RALGAPA2: variants seen among roughly 807,000 people sequenced by gnomAD.
RALGAPA2 encodes ral GTPase-activating protein subunit alpha-2.
Under a neutral mutation model 230.4 loss-of-function variants are expected in RALGAPA2, and 139 were observed. The observed-to-expected ratio is 0.60, with a 90% CI of 0.53 to 0.69. The LOEUF (loss-of-function observed/expected upper bound fraction) is 0.69, where lower values mean the gene tolerates loss of function less well. RALGAPA2 is among the 30% of genes least tolerant of loss of function. RALGAPA2 has a pLI of 0.00. For synonymous variants in RALGAPA2, 847 were observed against 837.8 expected (o/e 1.01, Z -0.19); for missense variants, 2,163 against 2,276.0 (o/e 0.95, Z 1.01).
At chr20:20,476,322 T>C (rs1437193043) in intron 36 of RALGAPA2, among the ~76,000 whole-genome samples, 1 of 152,090 alleles carries the variant, frequency 6.6e-6, no homozygotes, top group Middle Eastern at 3.2e-3. Flanking sequence ...TATAAAAATA[T>C]AATAATTAAG....
At chr20:20,541,279 C>T (rs898533301) in intron 24 of RALGAPA2, among the ~76,000 whole-genome samples, 1 of 152,048 alleles carries the variant, frequency 6.6e-6, no homozygotes, top group African/African-American at 2.4e-5. Context: ...CAGTGGATGA[C>T]TGAAACTGTG....
At chr20:20,520,665 T>C (rs2063010419) in intron 31 of RALGAPA2, among the ~76,000 whole-genome samples, 1 of 152,128 alleles carries the variant, frequency 6.6e-6, no homozygotes, top group African/African-American at 2.4e-5. Context: ...AAAATGAGCC[T>C]TTTTTGTGAG....
At chr20:20,400,737 A>T (rs766032055) in intron 38 of RALGAPA2, among the ~76,000 whole-genome samples, 4 of 152,214 alleles carry the variant, frequency 2.6e-5, no homozygotes, top group Non-Finnish European at 5.9e-5. Context: ...GGACCCGAAC[A>T]TTCACAGCAG....
chr20:20,579,362 C>A (rs552703885), intron 20 of RALGAPA2, among the ~76,000 whole-genome samples: 1 of 152,284 alleles, frequency 6.6e-6, no homozygotes. Context: ...ACATAGCAGA[C>A]AACAGGCGTC....
chr20:20,423,444 G>T (rs1172904489), intron 37 of RALGAPA2, among the ~76,000 whole-genome samples: 1 of 152,232 alleles, frequency 6.6e-6, no homozygotes, highest in Non-Finnish European at 1.5e-5. Context: ...GCGGGAGACA[G>T]CCATTTCCCA....
chr20:20,686,613 T>G (rs531200794), intron 1 of RALGAPA2, among the ~76,000 whole-genome samples: 1 of 152,122 alleles, frequency 6.6e-6, no homozygotes, highest in Non-Finnish European at 1.5e-5. Flanking sequence ...ATATGTAGAA[T>G]GCTTATAAGA....
chr20:20,411,565 T>C (rs752405577), intron 38 of RALGAPA2, among the ~76,000 whole-genome samples: 2 of 152,240 alleles, frequency 1.3e-5, no homozygotes, highest in Non-Finnish European at 2.9e-5. Context: ...GCTGTAATGA[T>C]GGACCCCGGG....
chr20:20,588,561 TGG>T (rs1284269928), intron 18 of RALGAPA2, among the ~76,000 whole-genome samples: 2 of 152,038 alleles, frequency 1.3e-5, no homozygotes, highest in African/African-American at 4.8e-5. Flanking sequence ...CTGAAGCTGA[TGG>T]TGGGTTTCTG....
At chr20:20,465,149 T>TCACACTCACACA (rs1556066771) in intron 37 of RALGAPA2, among the ~76,000 whole-genome samples, 1 of 109,210 alleles carries the variant, frequency 9.2e-6, no homozygotes, top group African/African-American at 3.5e-5. Flanking sequence ...CCGCAGGCCT[T>TCACACTCACACA]CACACACACA....
chr20:20,654,207 G>C, intron 3 of RALGAPA2, among the ~76,000 whole-genome samples: 1 of 151,170 alleles, frequency 6.6e-6, no homozygotes, highest in Non-Finnish European at 1.5e-5. Context: ...TTTTTTCTTT[G>C]AGACAAAGTC....
At chr20:20,472,055 G>A (rs1350787644) in intron 37 of RALGAPA2, 1 of 151,990 alleles carries the variant, frequency 6.6e-6, no homozygotes, top group Admixed American at 6.6e-5. Flanking sequence ...TTTATTAGGA[G>A]GTCACTTTTT....
chr20:20,666,656 T>A (rs915549353), intron 3 of RALGAPA2, among the ~76,000 whole-genome samples: 1 of 152,218 alleles, frequency 6.6e-6, no homozygotes, highest in African/African-American at 2.4e-5. Flanking sequence ...CTGTGGCAAC[T>A]AGTTAATTGT....
intron 30 of RALGAPA2, among the ~76,000 whole-genome samples, chr20:20,522,277 TCA>T (rs2063068218): frequency 1.3e-5 from 2 of 152,034 alleles, no homozygotes; most frequent in Admixed American, 6.6e-5. Flanking sequence ...CCTTGAATAT[TCA>T]CATTTTATTG....
intron 38 of RALGAPA2, among the ~76,000 whole-genome samples, chr20:20,405,412 G>C (rs2059924916): frequency 6.6e-6 from 1 of 152,158 alleles, no homozygotes. Flanking sequence ...TGTGTTGCCT[G>C]AAGTGCCCTG....
chr20:20,620,906 G>A (rs1004411950), intron 10 of RALGAPA2, among the ~76,000 whole-genome samples: 1 of 152,182 alleles, frequency 6.6e-6, no homozygotes, highest in African/African-American at 2.4e-5. Context: ...ACTTTGGGAG[G>A]CCAAGGCAGG....
chr20:20,637,894 T>C (rs1160695501), intron 7 of RALGAPA2, among the ~76,000 whole-genome samples: 2 of 152,134 alleles, frequency 1.3e-5, no homozygotes, highest in African/African-American at 4.8e-5. Context: ...CCATTTATAA[T>C]AAATAGAAAT....
At chr20:20,592,804 C>A (rs759010401) in intron 16 of RALGAPA2, among the ~76,000 whole-genome samples, 1 of 152,250 alleles carries the variant, frequency 6.6e-6, no homozygotes, top group Middle Eastern at 3.4e-3. Context: ...ACATTTAATA[C>A]AGAGGATTTC....
intron 2 of RALGAPA2, among the ~76,000 whole-genome samples, chr20:20,678,826 A>G (rs1020273018): frequency 5.3e-5 from 8 of 151,744 alleles, no homozygotes; most frequent in Admixed American, 6.6e-5. Context: ...CCTGCTCCTC[A>G]CCTAGAACCT....
Position 20,620,502 on chromosome 20 carries a change from A to G in RALGAPA2, c.1362T>C (p.Asp454=), listed in dbSNP as rs753245651. The change falls in exon 11 of 40, where the codon GAT becomes GAC. Residue 454 remains aspartate, a synonymous_variant. Transcript: ENST00000202677. ...EPDRKDVAQE[D]AEKLGFSETD... ...TCTCGGAAAATCCTAATTTTTCAGC[A>G]TCTTCTTGGGCAACATCTTTTCTAT... 6.2e-7 allele frequency: 1 copy of G among 1,613,956 alleles called. No individual in the cohort carries two copies. The highest frequency in any genetic ancestry group is 8.5e-7 in the Non-Finnish European group (1 of 1,179,826).
Sources: allele counts gnomAD v4.1 joint callset (sites outside exome capture counted in the v4.1 genomes callset), GRCh38; gene constraint gnomAD v4.1.1; transcripts MANE v1.5; gene names NCBI Gene and HGNC (gene_info 2026-07-23, HGNC 2026-07-21).